The following SPPL2B variants were observed in gnomAD, a reference collection of about 807,000 sequenced individuals.
SPPL2B encodes signal peptide peptidase-like 2B.
SPPL2B carries 39 observed loss-of-function variants against 59.7 expected under a neutral mutation model. That is an observed-to-expected ratio of 0.65 (90% CI 0.51 to 0.85). The LOEUF is 0.85. Among genes scored for constraint, SPPL2B ranks in the 40% least tolerant of loss-of-function variants. The pLI is 0.00. For missense variants in SPPL2B, 865 were observed against 849.0 expected, an observed-to-expected ratio of 1.02 and a Z score of -0.23; for synonymous variants, 419 against 370.8, an observed-to-expected ratio of 1.13 and a Z score of -1.49.
At chr19:2,342,762 C>T (rs1438836869) in intron 8 of SPPL2B, 1 of 186,016 alleles carries the variant, frequency 5.4e-6, no homozygotes, top group African/African-American at 2.3e-5. Flanking sequence ...CAGCGTGACG[C>T]CCACCATCCG....
intron 5 of SPPL2B, 39 bp from the exon 6 acceptor site, chr19:2,339,785 C>T (rs1220338586): frequency 2.5e-6 from 4 of 1,589,526 alleles, no homozygotes; most frequent in South Asian, 1.1e-5. Context: ...TGTCGGCCAG[C>T]CGGCCCCAGG....
intron 13 of SPPL2B, among the ~76,000 whole-genome samples, 157 bp downstream of exon 13, chr19:2,345,487 C>T (rs1969313725): frequency 6.6e-6 from 1 of 152,248 alleles, no homozygotes; most frequent in Admixed American, 6.5e-5. Flanking sequence ...AACCCCCTGG[C>T]CACTCCGGGA....
intron 13 of SPPL2B, among the ~76,000 whole-genome samples, chr19:2,349,974 ACACT>A (rs1171182805): frequency 1.1e-4 from 16 of 147,072 alleles, no homozygotes; most frequent in Admixed American, 3.4e-4. Context: ...CTCTCTACAC[ACACT>A]CACGCGCTCT....
intron 8 of SPPL2B, chr19:2,342,845 G>A (rs942113028): frequency 1.2e-5 from 3 of 244,236 alleles, no homozygotes; most frequent in Non-Finnish European, 2.5e-5. Context: ...CGGGGACAGC[G>A]ACTGAGGGGA....
In SPPL2B at chr19:2,351,580, G is replaced by C; in HGVS notation, c.1501G>C (p.Gly501Arg). The C allele has an allele frequency of 6.2e-7, 1 of 1,610,188 alleles. No individual in the cohort carries two copies. Residue 501 changes from glycine (G) to arginine (R), a missense_variant, in exon 14 of 15, where the codon GGC becomes CGC. Coordinates refer to ENST00000613503, the MANE Select transcript of SPPL2B (RefSeq NM_152988.3). ...CCGGGAGCTGGGCGTGTTCTGGACG[G>C]GCAGCGGCTTTGCGGTGAATACCAG... ...WRRELGVFWTGSGFAKVLPPS... is the reference protein window; with the variant it reads ...WRRELGVFWTRSGFAKVLPPS...
chr19:2,346,082 G>A (rs980678663), intron 13 of SPPL2B, among the ~76,000 whole-genome samples: 3 of 151,930 alleles, frequency 2.0e-5, no homozygotes, highest in Non-Finnish European at 2.9e-5. Context: ...ACGTATTTAC[G>A]CAAAGTGCTG....
chr19:2,334,058 C>T (rs576716557), intron 1 of SPPL2B, among the ~76,000 whole-genome samples: 6 of 152,284 alleles, frequency 3.9e-5, no homozygotes, highest in African/African-American at 1.4e-4. Flanking sequence ...GTCTGGGCCC[C>T]ACCGTGTGCC....
chr19:2,347,176 A>ACACACT (rs1267972551), intron 13 of SPPL2B, among the ~76,000 whole-genome samples: 5 of 145,366 alleles, frequency 3.4e-5, no homozygotes, highest in East Asian at 4.0e-4. Flanking sequence ...CTCTCCACAC[A>ACACACT]CACGCGCTCT....
At chr19:2,336,745 CTG>C (rs1251271926) in intron 2 of SPPL2B, among the ~76,000 whole-genome samples, 1 of 150,156 alleles carries the variant, frequency 6.7e-6, no homozygotes, top group African/African-American at 2.5e-5. Context: ...TCCGGCCTGG[CTG>C]TGTATGTGTG....
Position 2,339,884 on chromosome 19 carries a change from C to CGTG in SPPL2B, c.661_663dup (p.Val221dup), listed in dbSNP as rs1968914362. On this transcript the variant is annotated inframe_insertion, in exon 6 of 15. Transcript: ENST00000613503. ...AGAAGCAGGAGGACGAGGCGGTGGA[C>CGTG]GTGACGCCGGTGATGACCTGCGTGT... 6.3e-7 allele frequency: 1 copy of CGTG among 1,595,074 alleles called. No homozygotes were observed. Among genetic ancestry groups the CGTG allele is most frequent in the African/African-American group, 1.3e-5 (1 of 74,578 alleles).
rs755616300 is a variant in SPPL2B, at chr19:2,351,663, G to A, written c.1515+69G>A. The A allele has an allele frequency of 1.3e-5, 20 of 1,543,774 alleles. No individual in the cohort carries two copies. The Admixed American group carries it at 3.6e-4, about 27-fold the overall frequency. Reference sequence around the variant, plus strand: ...GAGCCCTAACTAGAGTTAAAGTTGAGTGAGACCTCCAGCCACAGCCAGCCC... The same window carrying A: ...GAGCCCTAACTAGAGTTAAAGTTGAATGAGACCTCCAGCCACAGCCAGCCC... On this transcript the variant is annotated intron_variant, in intron 14 of 14. Transcript: ENST00000613503.
rs528753526 is a variant in SPPL2B, at chr19:2,333,566, C to T, written c.67-1036C>T. Among the ~76,000 whole-genome samples the T allele has an allele frequency of 8.9e-4, 136 of 152,338 alleles. 1 individual carries two copies. The highest frequency in any genetic ancestry group is 6.2e-3 in the South Asian group (30 of 4,834). ...CCTTCTGGTCCAGGCCCGTCTACTC[C>T]GCAGCCCTCCTGGGAGGCGTCCAGG... On this transcript the variant is annotated intron_variant, in intron 1 of 14. Coordinates refer to ENST00000613503, the MANE Select transcript of SPPL2B (RefSeq NM_152988.3).
chr19:2,328,790 G>C lies in SPPL2B; in HGVS notation c.66+15G>C. ...TCGCGGCCCAGGTGAGCGCGGCACC[G>C]GTCCCGACGGCACCGCGGGCTGCGG... On this transcript the variant is annotated intron_variant, in intron 1 of 14. Coordinates refer to ENST00000613503, the MANE Select transcript of SPPL2B (RefSeq NM_152988.3). 1 of 1,385,402 alleles carries C rather than the reference G, an allele frequency of 7.2e-7. No homozygotes were observed. The highest frequency in any genetic ancestry group is 1.6e-5 in the South Asian group (1 of 62,220). 85.8% of individuals were successfully genotyped at this position (1,385,402 alleles called of 1,614,324 possible).
intron 1 of SPPL2B, among the ~76,000 whole-genome samples, chr19:2,329,431 G>C (rs1349711313): frequency 6.6e-6 from 1 of 152,220 alleles, no homozygotes; most frequent in Non-Finnish European, 1.5e-5. Flanking sequence ...CCTTCATTAT[G>C]TTCATTGTGT....
At chr19:2,345,073 T>C (rs1969289186) in intron 12 of SPPL2B, among the ~76,000 whole-genome samples, 180 bp from the exon 13 acceptor site, 1 of 152,090 alleles carries the variant, frequency 6.6e-6, no homozygotes, top group Non-Finnish European at 1.5e-5. Flanking sequence ...GTTTACCCAC[T>C]GAGAGTCATG....
intron 13 of SPPL2B, among the ~76,000 whole-genome samples, chr19:2,350,326 C>G (rs949946409): frequency 2.7e-5 from 4 of 147,882 alleles, no homozygotes; most frequent in Non-Finnish European, 6.0e-5. Context: ...CGTTCTCTCT[C>G]CACACACACA....
rs1209453227 is a variant in SPPL2B, at chr19:2,342,067, T to C, written c.956+1053T>C. On this transcript the variant is annotated intron_variant, in intron 8 of 14. Coordinates refer to ENST00000613503, the MANE Select transcript of SPPL2B (RefSeq NM_152988.3). ...TAGCAGCCGCCCCGCCCTGGAGATGTTTTTATCCCATTTTCAAATGAAGCC... is the reference window on the plus strand; with the variant it reads ...TAGCAGCCGCCCCGCCCTGGAGATGCTTTTATCCCATTTTCAAATGAAGCC... 1.9e-5 allele frequency: 3 copies of C among 156,078 alleles called. No individual in the cohort carries two copies. In the East Asian group the frequency reaches 5.7e-4, roughly 30 times the overall value. 9.7% of individuals were successfully genotyped at this position (156,078 alleles called of 1,614,324 possible). A position where few individuals can be genotyped will look rare whatever the true frequency, so the allele number is the denominator to read the frequency against.
intron 6 of SPPL2B, 42 bp downstream of exon 6, chr19:2,340,008 G>T (rs753791172): frequency 5.3e-5 from 82 of 1,553,748 alleles, no homozygotes; most frequent in Non-Finnish European, 6.9e-5. Flanking sequence ...TGGAGATGCA[G>T]CCCGCCCCGT....
chr19:2,347,294 C>G (rs560040251), intron 13 of SPPL2B, among the ~76,000 whole-genome samples: 61 of 113,946 alleles, frequency 5.4e-4, no homozygotes, highest in Non-Finnish European at 9.1e-4. Flanking sequence ...TCGCCTGATT[C>G]CGTTCTCCTT....
Sources: allele counts gnomAD v4.1 joint callset (sites outside exome capture counted in the v4.1 genomes callset), GRCh38; gene constraint gnomAD v4.1.1; transcripts MANE v1.5; gene names NCBI Gene and HGNC (gene_info 2026-07-23, HGNC 2026-07-21).